Variants in ZEB1 observed in about 807,000 individuals in gnomAD.
The protein encoded by ZEB1 is zinc finger E-box-binding homeobox 1.
A neutral mutation model predicts 84.9 loss-of-function variants in ZEB1; 21 were observed. That is an observed-to-expected ratio of 0.25 (90% confidence interval 0.18 to 0.36). The LOEUF (loss-of-function observed/expected upper bound fraction) is 0.36. Ranked by LOEUF, ZEB1 falls within the 10% of genes least tolerant of loss-of-function variation. ZEB1 has a pLI of 1.00. For synonymous variants in ZEB1, 420 were observed against 471.1 expected, an observed-to-expected ratio of 0.89 and a Z score of 1.41; for missense variants, 1,104 against 1,330.2, an observed-to-expected ratio of 0.83 and a Z score of 2.65.
At chr10:31,370,895 T>A (rs753444683) in intron 1 of ZEB1, among the ~76,000 whole-genome samples, 2 of 152,100 alleles carry the variant, frequency 1.3e-5, no homozygotes, top group Non-Finnish European at 2.9e-5. Flanking sequence ...TTTAAAAAAA[T>A]TTTTGCGGAG....
intron 3 of ZEB1, among the ~76,000 whole-genome samples, chr10:31,501,040 C>T (rs220058): frequency 0.92 from 140,427 of 152,298 alleles, 64,933 homozygotes; most frequent in East Asian, 1. Flanking sequence ...GTTTGGTTAC[C>T]GCTACAGTGC....
chr10:31,521,839 C>T lies in ZEB1; in HGVS notation c.2507C>T (p.Thr836Met). Residue 836 changes from threonine to methionine, a missense_variant, in exon 7 of 9, where the codon ACG (threonine) becomes ATG (methionine). Around this residue, in one of 7 missense-constraint regions of ZEB1, gnomAD observed 531 missense variants for 575.2 expected, o/e 0.92. Transcript: ENST00000424869. ...AGAGCGCTAGCTGCCAATAAGCAAA[C>T]GATTCTGATTCCCCAGGTGGCATAC... The part of the protein sequence containing the change: ...CLRALAANKQ[T>M]ILIPQVAYTY... 2.5e-6 allele frequency: 4 copies of T among 1,613,660 alleles called. No homozygotes were observed. Among genetic ancestry groups the T allele is most frequent in the South Asian group, 1.1e-5 (1 of 91,036 alleles).
At chr10:31,346,860 A>G (rs1472150117) in intron 1 of ZEB1, among the ~76,000 whole-genome samples, 1 of 152,136 alleles carries the variant, frequency 6.6e-6, no homozygotes, top group Non-Finnish European at 1.5e-5. Context: ...TACTTTTGCT[A>G]ATTAAGTCTT....
chr10:31,516,616 A>T (rs2071211951), intron 6 of ZEB1, among the ~76,000 whole-genome samples: 1 of 150,632 alleles, frequency 6.6e-6, no homozygotes, highest in South Asian at 2.1e-4. Flanking sequence ...CCTTCCTGAT[A>T]CCAAGTCCAT....
intron 2 of ZEB1, among the ~76,000 whole-genome samples, chr10:31,468,161 G>C (rs1591583579): frequency 6.6e-6 from 1 of 152,160 alleles, no homozygotes; most frequent in Non-Finnish European, 1.5e-5. Flanking sequence ...CTGCCTCAGA[G>C]AGCCTGATCA....
chr10:31,347,702 T>C (rs2040556259), intron 1 of ZEB1, among the ~76,000 whole-genome samples: 1 of 152,108 alleles, frequency 6.6e-6, no homozygotes, highest in East Asian at 1.9e-4. Context: ...ATTGGACATT[T>C]TGAAAAATTA....
At chr10:31,450,044 A>G (rs958149252) in intron 1 of ZEB1, among the ~76,000 whole-genome samples, 2 of 152,200 alleles carry the variant, frequency 1.3e-5, no homozygotes, top group Admixed American at 6.5e-5. Flanking sequence ...CCATGCTCCT[A>G]CTTCTCTATA....
chr10:31,438,885 C>T (rs901688937), intron 1 of ZEB1, among the ~76,000 whole-genome samples: 2 of 152,114 alleles, frequency 1.3e-5, no homozygotes, highest in African/African-American at 2.4e-5. Flanking sequence ...CATATACATA[C>T]GTACATACAT....
chr10:31,440,187 G>A (rs2058753280), intron 1 of ZEB1, among the ~76,000 whole-genome samples: 1 of 152,164 alleles, frequency 6.6e-6, no homozygotes, highest in African/African-American at 2.4e-5. Context: ...TGAACAACTG[G>A]AGGAATGGAA....
In ZEB1 at chr10:31,319,234, C is replaced by G. The variant is rs755415227; in HGVS notation, c.-1C>G. On this transcript the variant is annotated 5_prime_UTR_variant, in exon 1 of 9. It adds an upstream start codon to the 5' untranslated region. Coordinates refer to ENST00000424869, the MANE Select transcript of ZEB1 (RefSeq NM_001174096.2). The stretch of plus-strand genomic sequence containing the variant: ...AGCATTTAGACACAAGCGAGAGGAT[C>G]ATGGCGGATGGCCCCAGGTGTAAGC... 5.6e-6 allele frequency: 9 copies of G among 1,608,108 alleles called. No individual in the cohort carries two copies. The Middle Eastern group carries it at 5.2e-4, about 93-fold the overall frequency.
chr10:31,520,563 A>C lies in ZEB1; in HGVS notation c.1231A>C (p.Ser411Arg). 6.2e-7 allele frequency: 1 copy of C among 1,614,034 alleles called. No homozygotes were observed. Among genetic ancestry groups the C allele is most frequent in the Non-Finnish European group, 8.5e-7 (1 of 1,179,972 alleles). ...GLVSPISINLSDIQNVLKVAV... is the reference protein window; with the variant it reads ...GLVSPISINLRDIQNVLKVAV... ...GGTGTCTCCCATAAGTATCAATTTA[A>C]GTGATATTCAGAATGTACTTAAAGT... Residue 411 changes from serine (S) to arginine (R), a missense_variant, in exon 7 of 9, where the codon AGT becomes CGT. By Grantham distance (110) the Ser-to-Arg change is moderately radical. This residue lies in a region of ZEB1 where 531 missense variants were observed against 575.2 expected (regional missense o/e 0.92). Coordinates refer to ENST00000424869, the MANE Select transcript of ZEB1 (RefSeq NM_001174096.2). This position sits in a 1 kb window ranked among gnomAD's most constrained non-coding sequence, Gnocchi z 5.1.
At chr10:31,418,721 G>A (rs2055640082) in intron 1 of ZEB1, among the ~76,000 whole-genome samples, 1 of 152,006 alleles carries the variant, frequency 6.6e-6, no homozygotes, top group African/African-American at 2.4e-5. Context: ...GTTCTGACTG[G>A]TAGTAGCAAT....
chr10:31,442,242 G>T (rs1161893946), intron 1 of ZEB1, among the ~76,000 whole-genome samples: 1 of 152,116 alleles, frequency 6.6e-6, no homozygotes, highest in South Asian at 2.1e-4. Context: ...GAAATGATGA[G>T]TTCATGTCCT....
chr10:31,417,669 T>A (rs2135960215), intron 1 of ZEB1, among the ~76,000 whole-genome samples: 1 of 152,268 alleles, frequency 6.6e-6, no homozygotes, highest in South Asian at 2.1e-4. Flanking sequence ...TCCTGATGTT[T>A]TGTTTATTTT....
chr10:31,441,473 A>G (rs999528374), intron 1 of ZEB1, among the ~76,000 whole-genome samples: 5 of 152,186 alleles, frequency 3.3e-5, no homozygotes, highest in Admixed American at 2.6e-4. Context: ...AACCTAGGCA[A>G]TACCATTCAG....
intron 4 of ZEB1, among the ~76,000 whole-genome samples, chr10:31,506,002 C>T (rs2068913489): frequency 6.6e-6 from 1 of 151,358 alleles, no homozygotes; most frequent in Non-Finnish European, 1.5e-5. Flanking sequence ...TTAAATTTTC[C>T]TCCTTATTTC....
rs568534243 is a variant in ZEB1, at chr10:31,439,986, A to G, written c.59-21051A>G. Among the ~76,000 whole-genome samples, 7 of 152,326 alleles carry G rather than the reference A, an allele frequency of 4.6e-5. No homozygotes were observed. In the South Asian group the frequency reaches 1.4e-3, roughly 32 times the overall value. On this transcript the variant is annotated intron_variant, in intron 1 of 8. Transcript: ENST00000424869. ...ACTACAGGAAGACAAAGGTGGCAGC[A>G]CGGAGACCAGATAGGAACCAGTGAC...
intron 1 of ZEB1, 136 bp downstream of exon 1, chr10:31,319,428 A>G: frequency 2.4e-6 from 2 of 838,092 alleles, no homozygotes; most frequent in Non-Finnish European, 3.8e-6. Context: ...GAAAGTAGAA[A>G]GTAGTGCTCT....
At chr10:31,505,144 T>C (rs1052749857) in intron 4 of ZEB1, among the ~76,000 whole-genome samples, 1 of 152,152 alleles carries the variant, frequency 6.6e-6, no homozygotes, top group Admixed American at 6.5e-5. Flanking sequence ...TCCCACTTGA[T>C]CATATTGCAT....
Sources: gnomAD v4.1 joint callset for allele counts (sites outside exome capture counted in the v4.1 genomes callset) on GRCh38, gnomAD v4.1.1 for gene constraint, gnomAD v4.1.1 regional missense constraint, Gnocchi (gnomAD v3.1) non-coding constraint, MANE v1.5 for transcripts, NCBI Gene and HGNC (gene_info 2026-07-23, HGNC 2026-07-21) for gene names.